CPLANE1: variants seen among roughly 807,000 people sequenced by gnomAD.
CPLANE1 encodes ciliogenesis and planar polarity effector complex subunit 1.
CPLANE1 carries 263 observed loss-of-function variants against 362.5 expected under a neutral mutation model. That is an observed-to-expected ratio of 0.73 (90% CI 0.66 to 0.80). The LOEUF (loss-of-function observed/expected upper bound fraction) is 0.80, where lower values mean the gene tolerates loss of function less well. Among genes scored for constraint, CPLANE1 ranks in the 30% least tolerant of loss-of-function variants. The probability of loss-of-function intolerance (pLI) is 0.00; values close to 1 mark genes in which losing one functional copy is unlikely to be tolerated. For missense variants in CPLANE1, 3,461 were observed against 3,793.4 expected (o/e 0.91, Z 2.30); for synonymous variants, 1,212 against 1,302.6 (o/e 0.93, Z 1.50).
Position 37,182,774 on chromosome 5 carries a change from T to A in CPLANE1, c.5407A>T (p.Asn1803Tyr). Residue 1803 changes from asparagine to tyrosine, a missense_variant, in exon 26 of 53, where the codon AAT (asparagine) becomes TAT (tyrosine). Transcript: ENST00000651892. The stretch of plus-strand genomic sequence containing the variant: ...GATATGCTTACCTTAATAATGGCAT[T>A]TTTTGCCTTATATGTAGCAAAATAG... ...QPYFATYKAK[N>Y]AIIKMVENRD... The A allele has an allele frequency of 6.2e-7, 1 of 1,605,356 alleles. No homozygotes were observed. Among genetic ancestry groups the A allele is most frequent in the Non-Finnish European group, 8.5e-7 (1 of 1,175,202 alleles).
chr5:37,159,704 C>T (rs1300065623), intron 38 of CPLANE1, among the ~76,000 whole-genome samples: 4 of 152,092 alleles, frequency 2.6e-5, no homozygotes, highest in Non-Finnish European at 4.4e-5. Context: ...ATTTAAACCA[C>T]TTAAAACTAG....
At chr5:37,245,258 CAAGTT>C (rs1739175593) in intron 4 of CPLANE1, among the ~76,000 whole-genome samples, 1 of 139,292 alleles carries the variant, frequency 7.2e-6, no homozygotes, top group African/African-American at 2.6e-5. Context: ...TTTTCTTCTT[CAAGTT>C]GAGTCTCAGT....
chr5:37,222,450 C>G (rs189694695), intron 14 of CPLANE1, among the ~76,000 whole-genome samples: 26 of 152,230 alleles, frequency 1.7e-4, no homozygotes, highest in Admixed American at 5.2e-4. Flanking sequence ...ACTAAAGGAG[C>G]CTGGGGCCTT....
intron 16 of CPLANE1, chr5:37,212,458 T>C (rs905000475): frequency 5.8e-6 from 4 of 685,092 alleles, no homozygotes; most frequent in Non-Finnish European, 1.1e-5. Flanking sequence ...AATGTTTCTC[T>C]ATCAACAGAT....
At chr5:37,110,615 G>A (rs1758896467) in intron 51 of CPLANE1, among the ~76,000 whole-genome samples, 1 of 152,016 alleles carries the variant, frequency 6.6e-6, no homozygotes, top group African/African-American at 2.4e-5. Flanking sequence ...TTGTTCATGA[G>A]TAACAGTGCC....
chr5:37,239,625 T>C, intron 7 of CPLANE1, 88 bp downstream of exon 7: 2 of 716,626 alleles, frequency 2.8e-6, no homozygotes, highest in Non-Finnish European at 3.9e-6. Flanking sequence ...AAAATGGATA[T>C]AAAGGAGTAT....
the CPLANE1 span, among the ~76,000 whole-genome samples, chr5:37,076,413 G>A: frequency 6.6e-6 from 1 of 152,094 alleles, no homozygotes; most frequent in Non-Finnish European, 1.5e-5. Flanking sequence ...CCAGATTCAA[G>A]TGATTCTCAT....
intron 46 of CPLANE1, chr5:37,130,469 T>C: frequency 4.6e-6 from 1 of 218,018 alleles, no homozygotes; most frequent in Non-Finnish European, 9.9e-6. Flanking sequence ...TCCAGGAACG[T>C]ATTTCACATG....
At chr5:37,126,287 A>G (rs1351452520) in intron 46 of CPLANE1, among the ~76,000 whole-genome samples, 1 of 152,136 alleles carries the variant, frequency 6.6e-6, no homozygotes, top group Non-Finnish European at 1.5e-5. Context: ...AGCTGCCCTT[A>G]TGGATCTACT....
At chr5:37,171,962 T>C (rs953961772) in intron 32 of CPLANE1, among the ~76,000 whole-genome samples, 5 of 151,866 alleles carry the variant, frequency 3.3e-5, no homozygotes, top group Non-Finnish European at 7.4e-5. Context: ...AATGGTTTGC[T>C]TTTTGAGTTT....
chr5:37,117,749 G>A (rs1486742234), intron 50 of CPLANE1, among the ~76,000 whole-genome samples: 2 of 152,236 alleles, frequency 1.3e-5, no homozygotes, highest in Non-Finnish European at 1.5e-5. Context: ...GAGGGCTTCT[G>A]AGCCCAGGAG....
the CPLANE1 span, chr5:37,085,908 G>A: frequency 2.7e-6 from 2 of 737,822 alleles, no homozygotes; most frequent in Non-Finnish European, 4.6e-6. Context: ...TAATGTGGCA[G>A]GAATTAATAG....
At chr5:37,140,621 A>G (rs1269207891) in intron 44 of CPLANE1, 2 of 985,306 alleles carry the variant, frequency 2.0e-6, no homozygotes, top group Non-Finnish European at 2.4e-6. Context: ...TATTCACGAA[A>G]AAAAGCTTGA....
chr5:37,173,102 A>G (rs2150997108), intron 32 of CPLANE1, among the ~76,000 whole-genome samples: 2 of 152,344 alleles, frequency 1.3e-5, no homozygotes, highest in East Asian at 3.9e-4. Context: ...AGGACAAATG[A>G]GCAGAGGTTT....
the CPLANE1 span, among the ~76,000 whole-genome samples, chr5:37,076,263 AAAAAG>A: frequency 6.6e-6 from 1 of 151,812 alleles, no homozygotes; most frequent in Non-Finnish European, 1.5e-5. Flanking sequence ...CAAAAAAAAA[AAAAAG>A]AAAAGAAAAG....
At chr5:37,083,026 T>C in the CPLANE1 span, among the ~76,000 whole-genome samples, 1 of 152,134 alleles carries the variant, frequency 6.6e-6, no homozygotes, top group Non-Finnish European at 1.5e-5. Context: ...AGATTACTCC[T>C]GCAGGACCCA....
At chr5:37,114,692 G>C (rs1760392857) in intron 51 of CPLANE1, among the ~76,000 whole-genome samples, 1 of 152,004 alleles carries the variant, frequency 6.6e-6, no homozygotes, top group African/African-American at 2.4e-5. Context: ...CTTAGGTCAG[G>C]AGTTCAAGAC....
intron 30 of CPLANE1, among the ~76,000 whole-genome samples, chr5:37,176,743 G>T (rs1276689079): frequency 3.4e-5 from 5 of 145,978 alleles, no homozygotes; most frequent in Non-Finnish European, 7.5e-5. Context: ...AACAGAAAAA[G>T]AAAATCTAAT....
At chr5:37,237,691 TA>T (rs1324198230) in intron 8 of CPLANE1, among the ~76,000 whole-genome samples, 1 of 151,716 alleles carries the variant, frequency 6.6e-6, no homozygotes, top group Non-Finnish European at 1.5e-5. Context: ...CTAAAAAAAA[TA>T]CAAAAAAATT....
Sources: allele counts gnomAD v4.1 joint callset (sites outside exome capture counted in the v4.1 genomes callset), GRCh38; gene constraint gnomAD v4.1.1; transcripts MANE v1.5; gene names NCBI Gene and HGNC (gene_info 2026-07-23, HGNC 2026-07-21).